The following CADM1 variants were observed in gnomAD, a reference collection of about 807,000 sequenced individuals.
The protein encoded by CADM1 is cell adhesion molecule 1, also known as TSLC-1.
A neutral mutation model predicts 53.1 loss-of-function variants in CADM1; 15 were observed. The ratio of observed to expected loss-of-function variants is 0.28; its 90% CI spans 0.19 to 0.44. The LOEUF (loss-of-function observed/expected upper bound fraction) is 0.44. Among genes scored for constraint, CADM1 ranks in the 20% least tolerant of loss-of-function variants. The probability of loss-of-function intolerance (pLI) is 1.00; values close to 1 mark genes in which losing one functional copy is unlikely to be tolerated. For synonymous variants in CADM1, 281 were observed against 243.0 expected (o/e 1.16, Z -1.45); for missense variants, 434 against 611.3 (o/e 0.71, Z 3.06).
rs780650324 is a variant in CADM1, at chr11:115,188,818, C to G, written c.1165+2070G>C. ...ATCAATATGCTCCCCTTCAGTGACCCATTTCAAGACAGCTTCATAAAAATA... is the reference window on the plus strand; with the variant it reads ...ATCAATATGCTCCCCTTCAGTGACCGATTTCAAGACAGCTTCATAAAAATA... On this transcript the variant is annotated intron_variant, in intron 10 of 11. Transcript: ENST00000331581. Among the ~76,000 whole-genome samples, 92 of 152,152 alleles carry G rather than the reference C, an allele frequency of 6.0e-4. 2 individuals carry two copies. Among genetic ancestry groups the G allele is most frequent in the Non-Finnish European group, 1.3e-4 (9 of 68,028 alleles).
intron 9 of CADM1, among the ~76,000 whole-genome samples, chr11:115,195,079 C>G (rs1051964278): frequency 5.9e-5 from 9 of 152,198 alleles, no homozygotes; most frequent in African/African-American, 1.7e-4. Flanking sequence ...CACAAATGCT[C>G]AAGATCCTTA....
At chr11:115,387,418 A>C (rs1017898709) in intron 1 of CADM1, among the ~76,000 whole-genome samples, 14 of 152,174 alleles carry the variant, frequency 9.2e-5, no homozygotes. Flanking sequence ...AAATGAAGCA[A>C]AGGGAAATTG....
At chr11:115,403,627 C>T (rs575259140) in intron 1 of CADM1, among the ~76,000 whole-genome samples, 18 of 151,870 alleles carry the variant, frequency 1.2e-4, no homozygotes, top group Non-Finnish European at 2.4e-4. Context: ...GACGGAGTCT[C>T]CCTCTGTCAT....
At chr11:115,339,251 C>A (rs953634471) in intron 1 of CADM1, among the ~76,000 whole-genome samples, 8 of 152,028 alleles carry the variant, frequency 5.3e-5, no homozygotes, top group African/African-American at 1.9e-4. Flanking sequence ...ACTAGAAATA[C>A]CATTTGACCC....
At chr11:115,504,188 G>A (rs1949799440) in intron 1 of CADM1, 83 bp downstream of exon 1, 3 of 1,539,818 alleles carry the variant, frequency 1.9e-6, no homozygotes, top group Non-Finnish European at 2.6e-6. Flanking sequence ...AGGTTGTCAT[G>A]GAAACGTTTC....
intron 1 of CADM1, among the ~76,000 whole-genome samples, chr11:115,441,230 T>G (rs1487977257): frequency 6.6e-6 from 1 of 152,118 alleles, no homozygotes; most frequent in Non-Finnish European, 1.5e-5. Flanking sequence ...GGCTGAGGGC[T>G]TCTCCCATTC....
At chr11:115,369,775 C>T (rs1591754731) in intron 1 of CADM1, among the ~76,000 whole-genome samples, 1 of 152,182 alleles carries the variant, frequency 6.6e-6, no homozygotes, top group East Asian at 1.9e-4. Context: ...TTTGGTTAGG[C>T]AGAAAAAACA....
intron 1 of CADM1, among the ~76,000 whole-genome samples, chr11:115,288,018 G>C (rs1472636452): frequency 6.6e-6 from 1 of 152,168 alleles, no homozygotes; most frequent in Non-Finnish European, 1.5e-5. Context: ...ATTTCATATA[G>C]GGTGGTCAGC....
intron 1 of CADM1, among the ~76,000 whole-genome samples, chr11:115,394,792 T>C (rs1946951039): frequency 6.6e-6 from 1 of 152,150 alleles, no homozygotes; most frequent in African/African-American, 2.4e-5. Context: ...ATGACTTTGT[T>C]TTATAGTCTT....
In CADM1 at chr11:115,173,870, A is replaced by G. The variant is rs1331662507; in HGVS notation, c.*2604T>C. 2.1e-6 allele frequency: 2 copies of G among 969,324 alleles called. No homozygotes were observed. The highest frequency in any genetic ancestry group is 6.2e-5 in the Admixed American group (1 of 16,242). The allele number at this position is 969,324 out of a possible 1,614,324, so 60.0% of individuals were successfully genotyped here. Reference sequence around the variant, plus strand: ...CAAGCTTATTTGGCATCAATTATACATCCTTCATTATTTTATATTCCTTTA... The same window carrying G: ...CAAGCTTATTTGGCATCAATTATACGTCCTTCATTATTTTATATTCCTTTA... On this transcript the variant is annotated 3_prime_UTR_variant, in exon 12 of 12. Coordinates refer to ENST00000331581, the MANE Select transcript of CADM1 (RefSeq NM_001301043.2).
At chr11:115,237,507 A>G (rs1381912597) in intron 3 of CADM1, among the ~76,000 whole-genome samples, 1 of 152,214 alleles carries the variant, frequency 6.6e-6, no homozygotes, top group Non-Finnish European at 1.5e-5. Flanking sequence ...ATCCATAAAT[A>G]CATATATGTG....
In CADM1 at chr11:115,176,178, G is replaced by A. The variant is rs1308411192; in HGVS notation, c.*296C>T. ...ACGCAACAAACAAACAAAAAACAAG[G>A]CACAGAATTTTCTGCAATCTACTGA... is the stretch of plus-strand genomic sequence containing the variant. On this transcript the variant is annotated 3_prime_UTR_variant, in exon 12 of 12. Transcript: ENST00000331581. 8.4e-7 allele frequency: 1 copy of A among 1,191,608 alleles called. No homozygotes were observed. The highest frequency in any genetic ancestry group is 1.1e-6 in the Non-Finnish European group (1 of 947,444). The allele number at this position is 1,191,608 out of a possible 1,614,324, so 73.8% of individuals were successfully genotyped here.
intron 1 of CADM1, chr11:115,445,946 G>A: frequency 8.7e-6 from 2 of 230,516 alleles, no homozygotes; most frequent in Non-Finnish European, 1.8e-5. Flanking sequence ...TAAACTCCAG[G>A]GTGATTATTT....
intron 1 of CADM1, among the ~76,000 whole-genome samples, chr11:115,423,832 G>C (rs918987875): frequency 6.6e-6 from 1 of 152,138 alleles, no homozygotes; most frequent in Non-Finnish European, 1.5e-5. Flanking sequence ...CCAGGTGTTG[G>C]TGGCACCCAT....
At chr11:115,238,051 G>C (rs967785772) in intron 3 of CADM1, among the ~76,000 whole-genome samples, 3 of 152,118 alleles carry the variant, frequency 2.0e-5, no homozygotes, top group Admixed American at 2.0e-4. Flanking sequence ...TCAAGCCAAT[G>C]AAAAGGAGAT....
At chr11:115,205,419 T>C (rs971333638) in intron 8 of CADM1, among the ~76,000 whole-genome samples, 2 of 152,100 alleles carry the variant, frequency 1.3e-5, no homozygotes, top group African/African-American at 4.8e-5. Flanking sequence ...CAAAGAAAGT[T>C]AAAAACAAGA....
intron 1 of CADM1, among the ~76,000 whole-genome samples, chr11:115,472,958 G>A (rs1386153035): frequency 1.3e-5 from 2 of 152,036 alleles, no homozygotes; most frequent in Non-Finnish European, 2.9e-5. Context: ...AAACCATACT[G>A]TTCAGTTTCT....
intron 1 of CADM1, among the ~76,000 whole-genome samples, chr11:115,434,465 C>T (rs1632804): frequency 2.8e-4 from 43 of 152,340 alleles, no homozygotes; most frequent in African/African-American, 8.9e-4. Context: ...CACCTCACAG[C>T]GTCAGACAGA....
At chr11:115,312,184 T>C (rs375996399) in intron 1 of CADM1, among the ~76,000 whole-genome samples, 3 of 152,162 alleles carry the variant, frequency 2.0e-5, no homozygotes, top group Admixed American at 6.6e-5. Flanking sequence ...AAGGTGGCAA[T>C]TGGTTAACTA....
Sources: gnomAD v4.1 joint callset for allele counts (sites outside exome capture counted in the v4.1 genomes callset) on GRCh38, gnomAD v4.1.1 for gene constraint, MANE v1.5 for transcripts, NCBI Gene and HGNC (gene_info 2026-07-23, HGNC 2026-07-21) for gene names.